The following PTPRD variants were observed in gnomAD, a reference collection of about 807,000 sequenced individuals.
PTPRD encodes the protein receptor-type tyrosine-protein phosphatase delta.
Under a neutral mutation model 214.5 loss-of-function variants are expected in PTPRD, and 34 were observed. That is an observed-to-expected ratio of 0.16 (90% CI 0.12 to 0.21). The LOEUF is 0.21. Ranked by LOEUF, PTPRD falls within the 10% of genes least tolerant of loss-of-function variation. The pLI is 1.00. For synonymous variants in PTPRD, 1,128 were observed against 845.7 expected, an observed-to-expected ratio of 1.33 and a Z score of -5.79; for missense variants, 2,545 against 2,398.7, an observed-to-expected ratio of 1.06 and a Z score of -1.27.
intron 8 of PTPRD, among the ~76,000 whole-genome samples, chr9:9,433,219 G>A (rs1331743974): frequency 2.0e-5 from 3 of 152,088 alleles, no homozygotes; most frequent in Admixed American, 2.0e-4. Flanking sequence ...TGAAGGACTC[G>A]AGATGCCGAT....
intron 8 of PTPRD, among the ~76,000 whole-genome samples, chr9:9,481,306 A>C (rs1164875625): frequency 4.6e-5 from 7 of 152,324 alleles, no homozygotes; most frequent in African/African-American, 1.7e-4. Context: ...ACTCACAATC[A>C]TCACTGTGTT....
At chr9:9,058,359 G>T (rs1264060868) in intron 10 of PTPRD, among the ~76,000 whole-genome samples, 1 of 150,448 alleles carries the variant, frequency 6.6e-6, no homozygotes, top group Non-Finnish European at 1.5e-5. Flanking sequence ...GATTGGACTG[G>T]ACTGGCTAAA....
Position 8,521,419 on chromosome 9 carries a change from T to C in PTPRD, c.819A>G (p.Ala273=), listed in dbSNP as rs370537821. 2 of 1,614,044 alleles carry C rather than the reference T, an allele frequency of 1.2e-6. No homozygotes were observed. Among genetic ancestry groups the C allele is most frequent in the Non-Finnish European group, 1.7e-6 (2 of 1,179,924 alleles). The change falls in exon 20 of 46, where the codon GCA becomes GCG. Residue 273 remains alanine, a synonymous_variant. Coordinates refer to ENST00000381196, the MANE Select transcript of PTPRD (RefSeq NM_002839.4). ...TATCATCTTCAGGTGTCAGATCTTC[T>C]GCCCCCAACATCCACTTTACATAAG... The part of the protein sequence containing the change: ...PMPYVKWMLG[A]EDLTPEDDMP...
intron 8 of PTPRD, among the ~76,000 whole-genome samples, chr9:9,432,101 GAAAC>G (rs2083430379): frequency 6.7e-6 from 1 of 149,160 alleles, no homozygotes; most frequent in East Asian, 2.0e-4. Context: ...AAGAAACACT[GAAAC>G]AAAGAAAGGG....
At chr9:8,667,952 T>C (rs1222571302) in intron 12 of PTPRD, among the ~76,000 whole-genome samples, 1 of 151,862 alleles carries the variant, frequency 6.6e-6, no homozygotes, top group Non-Finnish European at 1.5e-5. Flanking sequence ...CAGTAAAAAA[T>C]AATAAAAATA....
At chr9:8,518,699 G>C (rs967816110) in intron 20 of PTPRD, among the ~76,000 whole-genome samples, 2 of 152,096 alleles carry the variant, frequency 1.3e-5, no homozygotes, top group Admixed American at 1.3e-4. Flanking sequence ...GATCCTGCAC[G>C]CATTTCTTAA....
intron 14 of PTPRD, among the ~76,000 whole-genome samples, chr9:8,581,937 A>AC (rs1564503153): frequency 4.1e-5 from 6 of 144,650 alleles, no homozygotes; most frequent in African/African-American, 1.3e-4. Flanking sequence ...AAAAAAAAAA[A>AC]AAAAAGAGGG....
chr9:9,175,024 T>C (rs775346844), intron 10 of PTPRD, among the ~76,000 whole-genome samples: 10 of 152,066 alleles, frequency 6.6e-5, no homozygotes, highest in Non-Finnish European at 1.2e-4. Context: ...CTTTCCACTA[T>C]ATGACATAGC....
At chr9:9,148,281 C>A (rs1451257210) in intron 10 of PTPRD, among the ~76,000 whole-genome samples, 1 of 151,960 alleles carries the variant, frequency 6.6e-6, no homozygotes, top group African/African-American at 2.4e-5. Flanking sequence ...AATGACATGG[C>A]AACCTTTTTT....
Position 10,504,115 on chromosome 9 carries a change from C to CAAAAAAAAAAAAAAAAA in PTPRD, c.-600+108266_-600+108282dup, listed in dbSNP as rs71332747. On this transcript the variant is annotated intron_variant, in intron 2 of 45. Transcript: ENST00000381196. The stretch of plus-strand genomic sequence containing the variant: ...TGGGGCACAGAGCGAGACTCTGTCT[C>CAAAAAAAAAAAAAAAAA]AAAAAAAAAAAAAAAAAAAAAAAAA... Among the ~76,000 whole-genome samples the CAAAAAAAAAAAAAAAAA allele has an allele frequency of 2.0e-3, 53 of 26,960 alleles. 8 individuals carry two copies. The highest frequency in any genetic ancestry group is 3.2e-3 in the African/African-American group (18 of 5,548). 17.7% of individuals were successfully genotyped at this position (26,960 alleles called of 152,430 possible).
chr9:9,201,027 G>T (rs377518576), intron 9 of PTPRD, among the ~76,000 whole-genome samples: 1 of 152,098 alleles, frequency 6.6e-6, no homozygotes, highest in Non-Finnish European at 1.5e-5. Flanking sequence ...AGAATAGCAG[G>T]ACTATTATCA....
At chr9:9,605,790 G>A (rs2094115214) in intron 7 of PTPRD, among the ~76,000 whole-genome samples, 1 of 151,986 alleles carries the variant, frequency 6.6e-6, no homozygotes, top group East Asian at 1.9e-4. Context: ...TGAGATTAAT[G>A]CTTCTGGTAA....
chr9:8,933,027 A>G (rs7036719), intron 11 of PTPRD, among the ~76,000 whole-genome samples: 115,940 of 151,852 alleles, frequency 0.76, 45,007 homozygotes, highest in East Asian at 0.92. Context: ...CCTGGTCTAC[A>G]GGTTGCGAAG....
intron 12 of PTPRD, among the ~76,000 whole-genome samples, chr9:8,652,058 G>C (rs957052972): frequency 2.6e-5 from 4 of 152,188 alleles, no homozygotes; most frequent in African/African-American, 9.7e-5. Context: ...AAGAAGCACA[G>C]ACAGTAAGGA....
chr9:9,320,141 T>G (rs893091651), intron 9 of PTPRD, among the ~76,000 whole-genome samples: 2 of 152,180 alleles, frequency 1.3e-5, no homozygotes, highest in Non-Finnish European at 2.9e-5. Context: ...AAGAATTCCT[T>G]TTTGTAATGT....
At chr9:8,504,536 T>C (rs775555128) in intron 22 of PTPRD, 131 bp from the exon 23 acceptor site, 16 of 1,040,550 alleles carry the variant, frequency 1.5e-5, no homozygotes, top group Middle Eastern at 2.4e-4. Context: ...AAAGAGTCAA[T>C]AGTGAGTATC....
intron 10 of PTPRD, among the ~76,000 whole-genome samples, chr9:9,019,321 A>AAAGAAAGAAAGG (rs1164468926): frequency 0.037 from 3,247 of 87,556 alleles, 81 homozygotes; most frequent in Middle Eastern, 0.097. Context: ...AGAAAGAAAG[A>AAAGAAAGAAAGG]AAGAAAGAAA....
chr9:9,525,457 T>G (rs1438455510), intron 8 of PTPRD, among the ~76,000 whole-genome samples: 3 of 152,142 alleles, frequency 2.0e-5, no homozygotes, highest in Admixed American at 2.0e-4. Context: ...AAATACAGCT[T>G]CCATGAGTTA....
intron 5 of PTPRD, among the ~76,000 whole-genome samples, chr9:9,915,941 G>C (rs1209540223): frequency 6.6e-6 from 1 of 151,714 alleles, no homozygotes; most frequent in East Asian, 1.9e-4. Context: ...AGAAAATCAA[G>C]GACAAATAAT....
Sources: gnomAD v4.1 joint callset for allele counts (sites outside exome capture counted in the v4.1 genomes callset) on GRCh38, gnomAD v4.1.1 for gene constraint, MANE v1.5 for transcripts, NCBI Gene and HGNC (gene_info 2026-07-23, HGNC 2026-07-21) for gene names.